Variants in CCDC169 observed in about 807,000 individuals in gnomAD.
CCDC169 encodes coiled-coil domain containing 169.
A neutral mutation model predicts 36.0 loss-of-function variants in CCDC169; 30 were observed. The ratio of observed to expected loss-of-function variants is 0.83; its 90% confidence interval spans 0.62 to 1.13. The LOEUF (loss-of-function observed/expected upper bound fraction) is 1.13, where lower values mean the gene tolerates loss of function less well. Ranked by LOEUF, CCDC169 falls within the 50% of genes most tolerant of loss-of-function variation. The probability of loss-of-function intolerance (pLI) is 0.00; values close to 1 mark genes in which losing one functional copy is unlikely to be tolerated. For missense variants in CCDC169, 245 were observed against 245.9 expected, an observed-to-expected ratio of 1.00 and a Z score of 0.03; for synonymous variants, 85 against 81.5, an observed-to-expected ratio of 1.04 and a Z score of -0.23.
chr13:36,257,621 T>G (rs1874068982), intron 4 of CCDC169, among the ~76,000 whole-genome samples: 1 of 151,934 alleles, frequency 6.6e-6, no homozygotes, highest in Non-Finnish European at 1.5e-5. Flanking sequence ...GTGAGTCGCT[T>G]GAACGCGGGA....
chr13:36,269,433 A>AT (rs1424791889), intron 4 of CCDC169, among the ~76,000 whole-genome samples: 1 of 152,228 alleles, frequency 6.6e-6, no homozygotes, highest in Non-Finnish European at 1.5e-5. Flanking sequence ...TGAAGCCAGT[A>AT]TCACCCTGAT....
At chr13:36,248,287 C>T (rs1166076603) in intron 7 of CCDC169, among the ~76,000 whole-genome samples, 1 of 152,006 alleles carries the variant, frequency 6.6e-6, no homozygotes, top group Non-Finnish European at 1.5e-5. Flanking sequence ...CATAATATCT[C>T]CAAGGTATGC....
chr13:36,247,989 C>T (rs1272314540), intron 7 of CCDC169, among the ~76,000 whole-genome samples: 1 of 152,166 alleles, frequency 6.6e-6, no homozygotes, highest in Admixed American at 6.5e-5. Context: ...CTTCAGCTTT[C>T]AGCAACCACC....
chr13:36,230,673 G>T, downstream of CCDC169: 2 of 745,508 alleles, frequency 2.7e-6, no homozygotes, highest in Non-Finnish European at 1.6e-6. Flanking sequence ...GATCTCCTAA[G>T]TTCATGGCAG....
At chr13:36,293,842 A>T (rs1433158707) in intron 2 of CCDC169, among the ~76,000 whole-genome samples, 1 of 152,118 alleles carries the variant, frequency 6.6e-6, no homozygotes, top group African/African-American at 2.4e-5. Flanking sequence ...ACAGAATTAT[A>T]AGAGTTTGTT....
intron 4 of CCDC169, among the ~76,000 whole-genome samples, chr13:36,271,435 T>C (rs982755399): frequency 1.3e-5 from 2 of 152,270 alleles, no homozygotes; most frequent in African/African-American, 4.8e-5. Context: ...GAAGTCATTA[T>C]ACAAAAAAGA....
intron 4 of CCDC169, among the ~76,000 whole-genome samples, chr13:36,255,525 G>A (rs1396227661): frequency 6.6e-6 from 1 of 152,144 alleles, no homozygotes; most frequent in Non-Finnish European, 1.5e-5. Flanking sequence ...TAGCTGGCAT[G>A]GTGGCGCATG....
In CCDC169 at chr13:36,230,862, A is replaced by G. The variant is rs1870342515; in HGVS notation, c.*331T>C. 8.9e-6 allele frequency: 9 copies of G among 1,005,934 alleles called. No homozygotes were observed. In the East Asian group the frequency reaches 8.9e-4, roughly 99 times the overall value. The allele number at this position is 1,005,934 out of a possible 1,614,324, so 62.3% of individuals were successfully genotyped here. A position where few individuals can be genotyped will look rare whatever the true frequency, so the allele number is the denominator to read the frequency against. ...GTTTTATGAATACACACTTTTTGCT[A>G]ACAGTCAACTAGAAACCAAATAGAA... On this transcript the variant is annotated 3_prime_UTR_variant, in exon 8 of 8. Coordinates refer to ENST00000239859, the MANE Select transcript of CCDC169 (RefSeq NM_001144981.3).
chr13:36,284,171 TTA>T (rs555791856), intron 2 of CCDC169, among the ~76,000 whole-genome samples: 8 of 151,988 alleles, frequency 5.3e-5, no homozygotes, highest in East Asian at 3.8e-4. Context: ...TTTATACATT[TTA>T]TATATGTTTA....
intron 6 of CCDC169, among the ~76,000 whole-genome samples, chr13:36,252,525 A>G (rs556078563): frequency 6.6e-6 from 1 of 152,150 alleles, no homozygotes; most frequent in East Asian, 1.9e-4. Context: ...CCCATCCTCA[A>G]AATCCTCTAC....
downstream of CCDC169, among the ~76,000 whole-genome samples, chr13:36,228,235 C>A (rs1466175772): frequency 1.3e-5 from 2 of 152,278 alleles, no homozygotes; most frequent in East Asian, 3.9e-4. Flanking sequence ...TTTTGAGGAA[C>A]TGACAGTTTT....
chr13:36,224,953 A>G (rs916082477), downstream of CCDC169: 1 of 152,138 alleles, frequency 6.6e-6, no homozygotes, highest in Non-Finnish European at 1.5e-5. Flanking sequence ...ACAGAGACCA[A>G]TGGAACAGAA....
At chr13:36,283,552 T>G in intron 3 of CCDC169, 40 bp downstream of exon 3, 1 of 1,550,920 alleles carries the variant, frequency 6.4e-7, no homozygotes, top group Non-Finnish European at 8.7e-7. Context: ...TTATCAGTTT[T>G]AACTCAAATT....
At chr13:36,227,444 A>C (rs555419885), downstream of CCDC169, 17 of 1,394,618 alleles carry the variant, frequency 1.2e-5, no homozygotes, top group Non-Finnish European at 1.5e-5. Flanking sequence ...ATGCTAATAA[A>C]GCAGATATTC....
chr13:36,248,266 G>A (rs961826374), intron 7 of CCDC169, among the ~76,000 whole-genome samples: 5 of 152,072 alleles, frequency 3.3e-5, no homozygotes, highest in African/African-American at 9.7e-5. Context: ...ACAGTGATCC[G>A]GAACCAAACC....
downstream of CCDC169, among the ~76,000 whole-genome samples, chr13:36,230,134 A>T (rs1277865018): frequency 6.6e-6 from 1 of 152,224 alleles, no homozygotes; most frequent in East Asian, 1.9e-4. Flanking sequence ...AAGTTACAGA[A>T]ATGCACTTGG....
downstream of CCDC169, among the ~76,000 whole-genome samples, chr13:36,230,245 A>G (rs532514749): frequency 6.6e-6 from 1 of 152,366 alleles, no homozygotes; most frequent in Non-Finnish European, 1.5e-5. Context: ...GGTGATTTCT[A>G]TAAATCTGAA....
chr13:36,258,062 A>C (rs1234496966), intron 4 of CCDC169, among the ~76,000 whole-genome samples: 1 of 147,220 alleles, frequency 6.8e-6, no homozygotes, highest in Admixed American at 7.0e-5. Context: ...TTTTTTTGCC[A>C]CTTGAAAGCC....
chr13:36,273,214 CT>C (rs1342864507), intron 4 of CCDC169, among the ~76,000 whole-genome samples: 2 of 152,152 alleles, frequency 1.3e-5, no homozygotes, highest in African/African-American at 2.4e-5. Flanking sequence ...AAGTAGGCCC[CT>C]GGGTGCCTAT....
Sources: gnomAD v4.1 joint callset for allele counts (sites outside exome capture counted in the v4.1 genomes callset) on GRCh38, gnomAD v4.1.1 for gene constraint, MANE v1.5 for transcripts, NCBI Gene and HGNC (gene_info 2026-07-23, HGNC 2026-07-21) for gene names.